SOX6: variants seen among roughly 807,000 people sequenced by gnomAD.
The protein encoded by SOX6 is SRY-box transcription factor 6, also known as transcription factor SOX-6.
SOX6 carries 11 observed loss-of-function variants against 97.8 expected under a neutral mutation model. The observed-to-expected ratio is 0.11, with a 90% CI of 0.07 to 0.19. SOX6 has a LOEUF of 0.19. SOX6 is among the 10% of genes least tolerant of loss of function. SOX6 has a pLI of 1.00. For synonymous variants in SOX6, 360 were observed against 371.4 expected (o/e 0.97, Z 0.35); for missense variants, 810 against 1,039.5 (o/e 0.78, Z 3.04).
chr11:16,143,440 C>A (rs1446874497), intron 6 of SOX6, among the ~76,000 whole-genome samples: 1 of 152,180 alleles, frequency 6.6e-6, no homozygotes, highest in Non-Finnish European at 1.5e-5. Flanking sequence ...GAAACTGCAT[C>A]AACTAACGAG....
intron 4 of SOX6, among the ~76,000 whole-genome samples, chr11:16,567,628 G>A (rs972444781): frequency 6.4e-5 from 9 of 140,862 alleles, no homozygotes; most frequent in African/African-American, 2.3e-4. Flanking sequence ...GAGTGCAGTG[G>A]CGATCTCTGC....
At chr11:16,655,492 T>A (rs940626153) in intron 3 of SOX6, among the ~76,000 whole-genome samples, 1 of 152,206 alleles carries the variant, frequency 6.6e-6, no homozygotes, top group Non-Finnish European at 1.5e-5. Context: ...CAGGCAAGAT[T>A]AACAAAAATT....
intron 3 of SOX6, among the ~76,000 whole-genome samples, chr11:16,653,299 GA>G (rs1847680003): frequency 6.6e-6 from 1 of 152,102 alleles, no homozygotes; most frequent in Non-Finnish European, 1.5e-5. Flanking sequence ...GTCATTATAT[GA>G]AAAAGACACT....
intron 6 of SOX6, among the ~76,000 whole-genome samples, chr11:16,128,871 T>G (rs778938283): frequency 3.3e-5 from 5 of 152,142 alleles, no homozygotes; most frequent in Non-Finnish European, 7.4e-5. Flanking sequence ...ATTTATTTAT[T>G]TATTTTTAGA....
At chr11:16,332,266 C>A (rs996758057) in intron 2 of SOX6, among the ~76,000 whole-genome samples, 3 of 152,044 alleles carry the variant, frequency 2.0e-5, no homozygotes, top group African/African-American at 7.2e-5. Flanking sequence ...CTGGCTAACT[C>A]AGTGCTTATG....
At chr11:16,478,189 G>T (rs551471803), upstream of SOX6, among the ~76,000 whole-genome samples, 2 of 152,276 alleles carry the variant, frequency 1.3e-5, no homozygotes, top group South Asian at 4.1e-4. Flanking sequence ...AGAAGAATCC[G>T]AAAGAGTTTT....
intron 6 of SOX6, among the ~76,000 whole-genome samples, chr11:16,147,636 T>C (rs963264938): frequency 5.3e-5 from 8 of 152,188 alleles, no homozygotes; most frequent in Admixed American, 2.0e-4. Context: ...CTTCCCCATG[T>C]CCTGCTTAAT....
At chr11:16,299,014 A>T (rs965807847) in intron 3 of SOX6, among the ~76,000 whole-genome samples, 1 of 152,140 alleles carries the variant, frequency 6.6e-6, no homozygotes, top group African/African-American at 2.4e-5. Context: ...CTGAAAAGCA[A>T]TATTTTCTTT....
intron 3 of SOX6, among the ~76,000 whole-genome samples, chr11:16,277,192 T>C (rs1054929698): frequency 6.6e-6 from 1 of 152,128 alleles, no homozygotes; most frequent in Admixed American, 6.5e-5. Context: ...TGATGGTATC[T>C]GGAGACGTGG....
intron 1 of SOX6, among the ~76,000 whole-genome samples, chr11:16,458,839 TAGAG>T (rs1383101919): frequency 6.6e-6 from 1 of 151,972 alleles, no homozygotes; most frequent in Non-Finnish European, 1.5e-5. Flanking sequence ...GCTTACTGCA[TAGAG>T]AGAGAAACTA....
chr11:16,695,600 C>A (rs1848047395), intron 3 of SOX6, among the ~76,000 whole-genome samples: 1 of 152,136 alleles, frequency 6.6e-6, no homozygotes, highest in Non-Finnish European at 1.5e-5. Flanking sequence ...AGACTTAGCC[C>A]CTTCAAGGAG....
chr11:16,412,269 AT>A (rs1373201729), intron 1 of SOX6, among the ~76,000 whole-genome samples: 1 of 152,226 alleles, frequency 6.6e-6, no homozygotes, highest in Non-Finnish European at 1.5e-5. Context: ...CATAAAACCC[AT>A]ACTCCTTTAT....
rs554366289 is a variant in SOX6 at position 16,272,398 on chromosome 11, C to T, written c.446-37727G>A. 1.1e-4 allele frequency among the ~76,000 whole-genome samples: 16 copies of T among 151,742 alleles called. No individual in the cohort carries two copies. The East Asian group carries it at 2.5e-3, about 24-fold the overall frequency. Reference sequence around the variant, plus strand: ...ACTTTCAATTTCTCTACTACAAAATCTCTACACTACACTGAATTTGCCCAC... The same window carrying T: ...ACTTTCAATTTCTCTACTACAAAATTTCTACACTACACTGAATTTGCCCAC... On this transcript the variant is annotated intron_variant, in intron 3 of 15. Coordinates refer to ENST00000683767, the MANE Select transcript of SOX6 (RefSeq NM_001367873.1).
chr11:16,307,788 T>C (rs1188483600), intron 3 of SOX6, among the ~76,000 whole-genome samples: 1 of 152,250 alleles, frequency 6.6e-6, no homozygotes, highest in Non-Finnish European at 1.5e-5. Context: ...TATTTTGTCA[T>C]ATTTTCACAG....
intron 11 of SOX6, among the ~76,000 whole-genome samples, chr11:16,049,160 C>T (rs1429699423): frequency 6.6e-6 from 1 of 152,098 alleles, no homozygotes; most frequent in Non-Finnish European, 1.5e-5. Flanking sequence ...TCTGTCCAAG[C>T]CTGCCTCATT....
At chr11:16,662,984 C>A (rs939031164) in intron 3 of SOX6, among the ~76,000 whole-genome samples, 1 of 151,656 alleles carries the variant, frequency 6.6e-6, no homozygotes, top group Non-Finnish European at 1.5e-5. Flanking sequence ...AGCCACCATA[C>A]CCATCCTAAA....
At chr11:16,109,218 T>C (rs1849168913) in intron 7 of SOX6, among the ~76,000 whole-genome samples, 1 of 152,096 alleles carries the variant, frequency 6.6e-6, no homozygotes. Context: ...ATTTTGTTTT[T>C]GAGACAGGGT....
intron 1 of SOX6, among the ~76,000 whole-genome samples, chr11:16,471,080 A>AT (rs766382670): frequency 1.1e-3 from 161 of 148,378 alleles, no homozygotes; most frequent in South Asian, 4.1e-3. Flanking sequence ...ACTATGTCCG[A>AT]TTTTTTTTTT....
At chr11:16,117,721 G>A (rs1160950717) in intron 6 of SOX6, among the ~76,000 whole-genome samples, 5 of 152,130 alleles carry the variant, frequency 3.3e-5, no homozygotes, top group Non-Finnish European at 5.9e-5. Flanking sequence ...TAGGGCAGAT[G>A]AAGAATTCTG....
Sources: allele counts gnomAD v4.1 joint callset (sites outside exome capture counted in the v4.1 genomes callset), GRCh38; gene constraint gnomAD v4.1.1; transcripts MANE v1.5; gene names NCBI Gene and HGNC (gene_info 2026-07-23, HGNC 2026-07-21).